The following ANAPC10 variants were observed in gnomAD, a reference collection of about 807,000 sequenced individuals.
ANAPC10 encodes anaphase-promoting complex subunit 10.
ANAPC10 carries 12 observed loss-of-function variants against 22.0 expected under a neutral mutation model. That is an observed-to-expected ratio of 0.55 (90% confidence interval 0.35 to 0.88). The LOEUF (loss-of-function observed/expected upper bound fraction) is 0.88, where lower values mean the gene tolerates loss of function less well. ANAPC10 is among the 40% of genes least tolerant of loss of function. The pLI is 0.01. For synonymous variants in ANAPC10, 65 were observed against 69.5 expected, an observed-to-expected ratio of 0.94 and a Z score of 0.32; for missense variants, 188 against 220.9, an observed-to-expected ratio of 0.85 and a Z score of 0.94.
intron 1 of ANAPC10, among the ~76,000 whole-genome samples, 174 bp from the exon 2 acceptor site, chr4:145,096,285 T>C (rs570130274): frequency 4.9e-4 from 75 of 152,288 alleles, no homozygotes; most frequent in African/African-American, 1.8e-3. Context: ...GGGCTGGGCA[T>C]GGTGGCTCAC....
At chr4:144,996,847 TTA>T (rs1731691212) in intron 4 of ANAPC10, among the ~76,000 whole-genome samples, 1 of 152,092 alleles carries the variant, frequency 6.6e-6, no homozygotes, top group Non-Finnish European at 1.5e-5. Flanking sequence ...TGAAAAAAGA[TTA>T]GACGAATGGC....
At chr4:145,010,530 G>A (rs2126917529) in intron 4 of ANAPC10, among the ~76,000 whole-genome samples, 1 of 152,264 alleles carries the variant, frequency 6.6e-6, no homozygotes, top group African/African-American at 2.4e-5. Context: ...GTAGGGACAT[G>A]CATGAAGGTG....
At chr4:145,080,603 T>C (rs938266301) in intron 3 of ANAPC10, among the ~76,000 whole-genome samples, 2 of 152,002 alleles carry the variant, frequency 1.3e-5, no homozygotes, top group Admixed American at 1.3e-4. Flanking sequence ...TACAATGCTA[T>C]AGAATGTTAA....
rs1166239338 is a variant in ANAPC10 at position 145,051,075 on chromosome 4, G to A, written c.327+13497C>T. On this transcript the variant is annotated intron_variant, in intron 4 of 4. Transcript: ENST00000507656. The stretch of plus-strand genomic sequence containing the variant: ...TCATTAAGCTTAATTCTTTCTGGCT[G>A]TTGAGTTAAAGTGAGAGATGTGAAA... 1.3e-5 allele frequency among the ~76,000 whole-genome samples: 2 copies of A among 152,170 alleles called. 1 individual carries two copies. The highest frequency in any genetic ancestry group is 1.3e-4 in the Admixed American group (2 of 15,280).
intron 3 of ANAPC10, among the ~76,000 whole-genome samples, chr4:145,068,487 C>T (rs1744025670): frequency 2.0e-5 from 3 of 152,140 alleles, no homozygotes; most frequent in East Asian, 1.9e-4. Context: ...TTTTTAAAAT[C>T]GTTCTTCTTA....
intron 4 of ANAPC10, 105 bp downstream of exon 4, chr4:145,064,466 CT>C: frequency 1.2e-6 from 1 of 863,982 alleles, no homozygotes; most frequent in Non-Finnish European, 1.6e-6. Flanking sequence ...ATATTTTTCT[CT>C]TATATATTAA....
intron 2 of ANAPC10, among the ~76,000 whole-genome samples, chr4:145,084,065 G>A (rs1746499020): frequency 6.6e-6 from 1 of 151,758 alleles, no homozygotes; most frequent in African/African-American, 2.4e-5. Flanking sequence ...TGACCTGCTG[G>A]GTTTATGCAA....
At chr4:145,085,775 G>A (rs963194360) in intron 2 of ANAPC10, among the ~76,000 whole-genome samples, 5 of 151,776 alleles carry the variant, frequency 3.3e-5, no homozygotes, top group East Asian at 1.9e-4. Flanking sequence ...CCTTACAAAC[G>A]GAACCTCTTA....
At chr4:145,020,845 A>T (rs1020271061) in intron 4 of ANAPC10, among the ~76,000 whole-genome samples, 6 of 152,106 alleles carry the variant, frequency 3.9e-5, no homozygotes, top group East Asian at 1.9e-4. Flanking sequence ...CTGCAAAAAA[A>T]AAAATAAAAA....
At chr4:144,997,844 T>G (rs548124676) in intron 4 of ANAPC10, among the ~76,000 whole-genome samples, 21 of 152,058 alleles carry the variant, frequency 1.4e-4, no homozygotes, top group Non-Finnish European at 2.6e-4. Context: ...CCATCTCACG[T>G]GCAGAGACAC....
chr4:145,094,749 G>C (rs1286283385), intron 2 of ANAPC10, among the ~76,000 whole-genome samples: 1 of 147,920 alleles, frequency 6.8e-6, no homozygotes, highest in Non-Finnish European at 1.5e-5. Context: ...ATGAACTCAA[G>C]AATAAAGAGA....
intron 4 of ANAPC10, among the ~76,000 whole-genome samples, chr4:145,012,492 G>A (rs993275956): frequency 6.6e-6 from 1 of 151,904 alleles, no homozygotes; most frequent in Non-Finnish European, 1.5e-5. Flanking sequence ...TTCTACAGTT[G>A]AAAACTAAAA....
At chr4:145,000,368 A>C (rs1031548741) in intron 4 of ANAPC10, among the ~76,000 whole-genome samples, 1 of 151,078 alleles carries the variant, frequency 6.6e-6, no homozygotes, top group African/African-American at 2.4e-5. Context: ...AAGAAAAAAA[A>C]ACCATCAAAA....
chr4:145,018,715 C>CAA (rs1735576897), intron 4 of ANAPC10, among the ~76,000 whole-genome samples: 1 of 151,036 alleles, frequency 6.6e-6, no homozygotes, highest in African/African-American at 2.4e-5. Flanking sequence ...ACATAACACA[C>CAA]AAGGAATCAT....
At chr4:145,039,499 T>A (rs1739170850) in intron 4 of ANAPC10, among the ~76,000 whole-genome samples, 1 of 152,190 alleles carries the variant, frequency 6.6e-6, no homozygotes, top group Non-Finnish European at 1.5e-5. Flanking sequence ...TAAATAACAA[T>A]AAACATTTTG....
chr4:145,088,337 G>C (rs1189564035), intron 2 of ANAPC10, among the ~76,000 whole-genome samples: 1 of 152,074 alleles, frequency 6.6e-6, no homozygotes, highest in East Asian at 1.9e-4. Context: ...CTCCAACCCA[G>C]AACTTCAAGC....
chr4:144,995,456 A>G lies in ANAPC10; in HGVS notation c.475T>C (p.Tyr159His). ...RDTHMRQIKIYTPVEESSIGK... is the reference protein window; with the variant it reads ...RDTHMRQIKIHTPVEESSIGK... Reference sequence around the variant, plus strand: ...ATGGAGCTCTCTTCTACTGGTGTGTATATTTTAATTTGTCTCATATGGGTG... The same window carrying G: ...ATGGAGCTCTCTTCTACTGGTGTGTGTATTTTAATTTGTCTCATATGGGTG... Residue 159 changes from tyrosine to histidine, a missense_variant, in exon 5 of 5, where the codon TAC becomes CAC. Physicochemically the swap from Tyr to His is moderately conservative, Grantham distance 83. Transcript: ENST00000507656. 1.9e-6 allele frequency: 3 copies of G among 1,613,774 alleles called. No individual in the cohort carries two copies. The highest frequency in any genetic ancestry group is 2.5e-6 in the Non-Finnish European group (3 of 1,179,762).
intron 4 of ANAPC10, among the ~76,000 whole-genome samples, chr4:145,034,970 T>C (rs1257967364): frequency 6.6e-6 from 1 of 152,160 alleles, no homozygotes; most frequent in East Asian, 1.9e-4. Context: ...TCAGTTACTG[T>C]TTGTGGGCAG....
intron 4 of ANAPC10, among the ~76,000 whole-genome samples, chr4:145,043,357 C>G (rs1037063003): frequency 6.6e-6 from 1 of 152,024 alleles, no homozygotes; most frequent in Admixed American, 6.6e-5. Context: ...TTCAAACTTT[C>G]TAATTAATCC....
Sources: gnomAD v4.1 joint callset for allele counts (sites outside exome capture counted in the v4.1 genomes callset) on GRCh38, gnomAD v4.1.1 for gene constraint, MANE v1.5 for transcripts, NCBI Gene and HGNC (gene_info 2026-07-23, HGNC 2026-07-21) for gene names.